Variants in FAAH2 observed in about 807,000 individuals in gnomAD.
FAAH2 encodes the protein fatty acid amide hydrolase 2.
A neutral mutation model predicts 36.9 loss-of-function variants in FAAH2; 60 were observed. The ratio of observed to expected loss-of-function variants is 1.63; its 90% CI spans 1.32 to 2.02. The LOEUF (loss-of-function observed/expected upper bound fraction) is 2.02. Among genes scored for constraint, FAAH2 ranks in the 30% most tolerant of loss-of-function variants. The probability of loss-of-function intolerance (pLI) is 0.00; values close to 1 mark genes in which losing one functional copy is unlikely to be tolerated. For synonymous variants in FAAH2, 214 were observed against 143.8 expected, an observed-to-expected ratio of 1.49 and a Z score of -3.49; for missense variants, 689 against 397.5, an observed-to-expected ratio of 1.73 and a Z score of -6.23.
chrX:57,324,086 A>G (rs1264622935), intron 3 of FAAH2, among the ~76,000 whole-genome samples: 1 of 111,916 alleles, frequency 8.9e-6, no homozygotes, highest in African/African-American at 3.2e-5. Context: ...AGCACCATTT[A>G]TTAAATAGGG....
chrX:57,397,030 T>C (rs1352482351), intron 7 of FAAH2, among the ~76,000 whole-genome samples: 1 of 112,003 alleles, frequency 8.9e-6, no homozygotes, highest in Non-Finnish European at 1.9e-5. Context: ...TGCATATATA[T>C]TTAGGATAGT....
chrX:57,235,355 T>C, the FAAH2 span, among the ~76,000 whole-genome samples: 3 of 111,895 alleles, frequency 2.7e-5, no homozygotes, highest in East Asian at 5.6e-4. Context: ...ACATGACTTA[T>C]CCCTTTCCTG....
chrX:57,300,056 C>T (rs2052296348), intron 2 of FAAH2, among the ~76,000 whole-genome samples: 1 of 111,523 alleles, frequency 9.0e-6, no homozygotes, highest in Non-Finnish European at 1.9e-5. Flanking sequence ...GATTCAATGC[C>T]ATCCCCATTA....
At chrX:57,235,370 G>T in the FAAH2 span, among the ~76,000 whole-genome samples, 1 of 111,592 alleles carries the variant, frequency 9.0e-6, no homozygotes, top group Non-Finnish European at 1.9e-5. Context: ...TTCCTGGCAT[G>T]CCTTTAGGTC....
the FAAH2 span, among the ~76,000 whole-genome samples, chrX:57,263,699 T>C: frequency 1.8e-5 from 2 of 111,894 alleles, no homozygotes; most frequent in Non-Finnish European, 3.8e-5. Context: ...ATTATACAAT[T>C]TATGTATATA....
At position 57,452,296 on chromosome X, in the gene FAAH2, A is replaced by G. The variant is rs779950644; in HGVS notation, c.1423+3578A>G. 1.5e-4 allele frequency: 111 copies of G among 753,581 alleles called. No homozygotes were observed. The African/African-American group carries it at 2.4e-3, about 16-fold the overall frequency. The allele number at this position is 753,581 out of a possible 1,213,427, so 62.1% of individuals were successfully genotyped here. On this transcript the variant is annotated intron_variant, in intron 10 of 10. Transcript: ENST00000374900. Reference sequence around the variant, plus strand: ...AGCATCCAGCATTAGAGTGAAACTCAAGATTTATATGTCAGGTTTGGCAAA... The same window carrying G: ...AGCATCCAGCATTAGAGTGAAACTCGAGATTTATATGTCAGGTTTGGCAAA...
intron 10 of FAAH2, among the ~76,000 whole-genome samples, chrX:57,451,932 A>T (rs775474176): frequency 2.7e-5 from 3 of 112,838 alleles, no homozygotes; most frequent in Non-Finnish European, 5.6e-5. Flanking sequence ...ATTTCCTGAT[A>T]ACATGCAATC....
chrX:57,294,454 C>T (rs374043472), intron 2 of FAAH2, among the ~76,000 whole-genome samples: 1 of 112,070 alleles, frequency 8.9e-6, no homozygotes, highest in Admixed American at 9.5e-5. Flanking sequence ...TCCATCCAGT[C>T]ACACAAGCAA....
At chrX:57,457,417 C>G (rs968671858) in intron 10 of FAAH2, among the ~76,000 whole-genome samples, 1 of 110,369 alleles carries the variant, frequency 9.1e-6, no homozygotes, top group Non-Finnish European at 1.9e-5. Flanking sequence ...TTTCACCACT[C>G]CTATTCAATA....
At chrX:57,283,628 G>A (rs769892598), upstream of FAAH2, among the ~76,000 whole-genome samples, 4 of 111,179 alleles carry the variant, frequency 3.6e-5, no homozygotes, top group Non-Finnish European at 7.6e-5. Context: ...GGACGTCTGT[G>A]TAGATCCAGG....
chrX:57,309,058 T>C (rs182611901), intron 2 of FAAH2, among the ~76,000 whole-genome samples: 5 of 112,397 alleles, frequency 4.4e-5, no homozygotes, highest in Non-Finnish European at 3.8e-5. Flanking sequence ...ATTAAAGTTA[T>C]TTTAAGTCAC....
At chrX:57,304,148 A>G (rs1023238803) in intron 2 of FAAH2, among the ~76,000 whole-genome samples, 7 of 112,006 alleles carry the variant, frequency 6.2e-5, no homozygotes, top group African/African-American at 2.3e-4. Flanking sequence ...TGGAGGTTGC[A>G]GTGAGCTGAG....
chrX:57,484,026 A>G (rs769957999), intron 10 of FAAH2, among the ~76,000 whole-genome samples: 3 of 109,554 alleles, frequency 2.7e-5, no homozygotes, highest in African/African-American at 1.0e-4. Flanking sequence ...GCTGGTCTCG[A>G]ACTCCTGACC....
intron 10 of FAAH2, among the ~76,000 whole-genome samples, chrX:57,468,762 T>G (rs762256278): frequency 1.8e-5 from 2 of 110,954 alleles, no homozygotes; most frequent in South Asian, 7.7e-4. Flanking sequence ...GCAAAGATAC[T>G]CCTCGAGATG....
chrX:57,419,432 T>C (rs1361960543), intron 7 of FAAH2, among the ~76,000 whole-genome samples: 1 of 112,079 alleles, frequency 8.9e-6, no homozygotes, highest in African/African-American at 3.2e-5. Flanking sequence ...AGATGATATC[T>C]CATTGTGGTT....
chrX:57,125,836 G>A, the FAAH2 span, among the ~76,000 whole-genome samples: 9 of 111,804 alleles, frequency 8.0e-5, no homozygotes, highest in African/African-American at 2.9e-4. Context: ...ACAGCTTTGT[G>A]TATGTAAATC....
chrX:57,196,222 C>T, the FAAH2 span, among the ~76,000 whole-genome samples: 1 of 111,559 alleles, frequency 9.0e-6, no homozygotes, highest in Non-Finnish European at 1.9e-5. Flanking sequence ...TTGATTCTAC[C>T]CATCCATGAA....
intron 7 of FAAH2, among the ~76,000 whole-genome samples, chrX:57,417,390 G>C (rs1376468323): frequency 9.0e-6 from 1 of 111,711 alleles, no homozygotes; most frequent in Non-Finnish European, 1.9e-5. Context: ...TTTGATGCTG[G>C]TGACCTTTGG....
At chrX:57,373,819 C>G (rs766827234) in intron 5 of FAAH2, among the ~76,000 whole-genome samples, 1 of 111,184 alleles carries the variant, frequency 9.0e-6, no homozygotes, top group East Asian at 2.8e-4. Context: ...AAGGGTCTTT[C>G]GATATTATTT....
Sources: allele counts gnomAD v4.1 joint callset (sites outside exome capture counted in the v4.1 genomes callset), GRCh38; gene constraint gnomAD v4.1.1; transcripts MANE v1.5; gene names NCBI Gene and HGNC (gene_info 2026-07-23, HGNC 2026-07-21).